The following PTPN13 variants were observed in gnomAD, a reference collection of about 807,000 sequenced individuals.
PTPN13 encodes the protein tyrosine-protein phosphatase non-receptor type 13.
A neutral mutation model predicts 284.0 loss-of-function variants in PTPN13; 191 were observed. The observed-to-expected ratio is 0.67, with a 90% CI of 0.60 to 0.76. The LOEUF is 0.76. PTPN13 is among the 30% of genes least tolerant of loss of function. The probability of loss-of-function intolerance (pLI) is 0.00; values close to 1 mark genes in which losing one functional copy is unlikely to be tolerated. For missense variants in PTPN13, 2,797 were observed against 2,939.9 expected (o/e 0.95, Z 1.12); for synonymous variants, 986 against 1,022.3 (o/e 0.96, Z 0.68).
intron 3 of PTPN13, among the ~76,000 whole-genome samples, chr4:86,679,021 T>A (rs560484294): frequency 6.6e-6 from 1 of 152,352 alleles, no homozygotes; most frequent in Admixed American, 6.5e-5. Context: ...CTGAATGAAC[T>A]CTTGACTCCT....
intron 10 of PTPN13, among the ~76,000 whole-genome samples, chr4:86,731,452 G>A (rs903085336): frequency 6.6e-5 from 10 of 152,142 alleles, no homozygotes; most frequent in African/African-American, 2.2e-4. Context: ...TTTATTTCCT[G>A]AAATATTTTC....
intron 39 of PTPN13, 148 bp downstream of exon 39, chr4:86,785,516 C>T (rs1741798310): frequency 1.3e-6 from 1 of 755,634 alleles, no homozygotes; most frequent in Admixed American, 3.8e-5. Context: ...AATTTGTTAT[C>T]TCCTATTTTT....
At chr4:86,748,835 T>G (rs2149199698) in intron 17 of PTPN13, among the ~76,000 whole-genome samples, 1 of 152,180 alleles carries the variant, frequency 6.6e-6, no homozygotes, top group East Asian at 1.9e-4. Context: ...TTTTGTATTT[T>G]TAGTAGAGAT....
chr4:86,732,899 G>A (rs1035603515), intron 12 of PTPN13, 133 bp downstream of exon 12: 3 of 596,964 alleles, frequency 5.0e-6, no homozygotes, highest in Non-Finnish European at 7.7e-6. Flanking sequence ...AGTGAGTTAG[G>A]AACTCCCTTT....
intron 40 of PTPN13, among the ~76,000 whole-genome samples, chr4:86,795,214 A>G (rs887907507): frequency 6.6e-6 from 1 of 152,228 alleles, no homozygotes; most frequent in African/African-American, 2.4e-5. Flanking sequence ...CAATTCCATC[A>G]AAAAGTGGGC....
At chr4:86,685,356 C>T (rs1199176186) in intron 3 of PTPN13, among the ~76,000 whole-genome samples, 1 of 152,156 alleles carries the variant, frequency 6.6e-6, no homozygotes, top group African/African-American at 2.4e-5. Flanking sequence ...CGCCTATAAT[C>T]CCAGCACACC....
At chr4:86,774,042 T>C (rs756589950) in intron 32 of PTPN13, among the ~76,000 whole-genome samples, 1 of 152,164 alleles carries the variant, frequency 6.6e-6, no homozygotes, top group African/African-American at 2.4e-5. Context: ...AGAAAGTATT[T>C]TTTGATCATC....
rs1188230343 is a variant in PTPN13, at chr4:86,762,907, G to T, written c.3734G>T (p.Ser1245Ile). ...GGGGGCCTGCGGGAAGGAAGCCTGA[G>T]TTCTCAAGATTCCAGGACTGAGAGT... ...PSGGLREGSL[S>I]SQDSRTESAS... The change falls in exon 24 of 48, where the codon AGT becomes ATT. Residue 1245 changes from serine to isoleucine, a missense_variant. Physicochemically the swap from Ser to Ile is moderately radical, Grantham distance 142 (BLOSUM62 -2). Transcript: ENST00000411767. 6.2e-7 allele frequency: 1 copy of T among 1,613,904 alleles called. No homozygotes were observed. Among genetic ancestry groups the T allele is most frequent in the East Asian group, 2.2e-5 (1 of 44,872 alleles).
chr4:86,687,903 A>G (rs913854947), intron 4 of PTPN13, among the ~76,000 whole-genome samples: 2 of 152,102 alleles, frequency 1.3e-5, no homozygotes, highest in African/African-American at 4.8e-5. Context: ...AAATCAGGAT[A>G]TTTTGGAAAT....
chr4:86,657,848 C>T (rs1165289566), intron 2 of PTPN13, among the ~76,000 whole-genome samples: 2 of 152,310 alleles, frequency 1.3e-5, no homozygotes, highest in South Asian at 2.1e-4. Flanking sequence ...ACAAAGTCCT[C>T]TGTGCTCTTC....
chr4:86,756,128 G>A (rs1737934940), intron 20 of PTPN13, among the ~76,000 whole-genome samples: 1 of 151,782 alleles, frequency 6.6e-6, no homozygotes, highest in African/African-American at 2.4e-5. Flanking sequence ...CTTGAAGGAG[G>A]AAATGGAAAT....
chr4:86,664,249 T>A (rs1726820718), intron 2 of PTPN13, among the ~76,000 whole-genome samples: 1 of 152,222 alleles, frequency 6.6e-6, no homozygotes, highest in Non-Finnish European at 1.5e-5. Context: ...TAAGCCAAGC[T>A]GACTCTTATC....
intron 2 of PTPN13, among the ~76,000 whole-genome samples, chr4:86,671,227 A>G (rs1401594939): frequency 6.6e-6 from 1 of 152,174 alleles, no homozygotes; most frequent in Non-Finnish European, 1.5e-5. Context: ...AGTCAGAATG[A>G]TTCAGTCCTG....
chr4:86,594,898 A>C (rs1763463906), intron 1 of PTPN13, 109 bp downstream of exon 1: 1 of 152,414 alleles, frequency 6.6e-6, no homozygotes, highest in South Asian at 2.1e-4. Flanking sequence ...CCAGTCCCTA[A>C]ACCCAACTCC....
intron 3 of PTPN13, among the ~76,000 whole-genome samples, chr4:86,684,730 G>A (rs186759494): frequency 3.3e-5 from 5 of 152,176 alleles, no homozygotes; most frequent in African/African-American, 1.2e-4. Context: ...AAAAATAGGA[G>A]CCGAGTAAAT....
intron 36 of PTPN13, among the ~76,000 whole-genome samples, chr4:86,781,401 T>C (rs1437318632): frequency 2.6e-5 from 4 of 152,228 alleles, no homozygotes; most frequent in African/African-American, 4.8e-5. Flanking sequence ...TTTTTTAATA[T>C]ATTGAATTTT....
At chr4:86,764,197 T>G (rs1739024322) in intron 24 of PTPN13, among the ~76,000 whole-genome samples, 1 of 152,182 alleles carries the variant, frequency 6.6e-6, no homozygotes, top group South Asian at 2.1e-4. Flanking sequence ...TTTGTAAATT[T>G]AGGAATATAA....
chr4:86,766,921 G>A (rs1461324294), intron 27 of PTPN13, among the ~76,000 whole-genome samples: 2 of 152,006 alleles, frequency 1.3e-5, no homozygotes, highest in East Asian at 3.9e-4. Flanking sequence ...GTCTTTGGAG[G>A]TTTTTGTTGT....
At chr4:86,760,846 T>A (rs1738587676) in intron 23 of PTPN13, among the ~76,000 whole-genome samples, 1 of 152,074 alleles carries the variant, frequency 6.6e-6, no homozygotes, top group Non-Finnish European at 1.5e-5. Flanking sequence ...TATTCTGTAG[T>A]GTCACTTTGA....
Sources: allele counts gnomAD v4.1 joint callset (sites outside exome capture counted in the v4.1 genomes callset), GRCh38; gene constraint gnomAD v4.1.1; transcripts MANE v1.5; gene names NCBI Gene and HGNC (gene_info 2026-07-23, HGNC 2026-07-21).